The following PATJ variants were observed in gnomAD, a reference collection of about 807,000 sequenced individuals.
The protein encoded by PATJ is inaD-like protein.
In PATJ, 190 loss-of-function variants were observed where a neutral mutation model predicts 224.9. That is an observed-to-expected ratio of 0.84 (90% confidence interval 0.75 to 0.95). The LOEUF is 0.95. Ranked by LOEUF, PATJ falls within the 40% of genes least tolerant of loss-of-function variation. The probability of loss-of-function intolerance (pLI) is 0.00; values close to 1 mark genes in which losing one functional copy is unlikely to be tolerated. For synonymous variants in PATJ, 769 were observed against 820.3 expected (o/e 0.94, Z 1.07); for missense variants, 2,121 against 2,270.3 (o/e 0.93, Z 1.34).
chr1:62,113,082 A>G (rs1053049209), intron 34 of PATJ, among the ~76,000 whole-genome samples: 6 of 152,222 alleles, frequency 3.9e-5, no homozygotes, highest in African/African-American at 1.4e-4. Flanking sequence ...AGCACTGCAG[A>G]AGTATTTAAG....
rs372732519 is a variant in PATJ, at chr1:61,823,071, C to G, written c.1810C>G (p.Leu604Val). The change falls in exon 15 of 44, where the codon CTG becomes GTG. Residue 604 changes from leucine (L) to valine (V), a missense_variant. By Grantham distance (32) the Leu-to-Val change is conservative. Coordinates refer to ENST00000642238, the MANE Select transcript of PATJ (RefSeq NM_001350145.3). ...TLGLLQPEDE[L>V]LEVNGMQLYG... Reference sequence around the variant, plus strand: ...GGGTCTCCTACAGCCAGAAGATGAGCTGCTTGAGGTAAAATTTATGGGGAA... The same window carrying G: ...GGGTCTCCTACAGCCAGAAGATGAGGTGCTTGAGGTAAAATTTATGGGGAA... 6.2e-7 allele frequency: 1 copy of G among 1,613,808 alleles called. No individual in the cohort carries two copies. The highest frequency in any genetic ancestry group is 1.3e-5 in the African/African-American group (1 of 74,894).
chr1:61,791,270 C>A, intron 8 of PATJ, 78 bp from the exon 9 acceptor site: 1 of 792,760 alleles, frequency 1.3e-6, no homozygotes, highest in Admixed American at 2.4e-5. Context: ...AAATACTTGA[C>A]AAACCTTGCA....
chr1:61,924,145 A>C (rs1674766889), intron 26 of PATJ, among the ~76,000 whole-genome samples: 1 of 152,046 alleles, frequency 6.6e-6, no homozygotes, highest in Non-Finnish European at 1.5e-5. Context: ...CCGAGGCAGG[A>C]AGATCATTTG....
chr1:61,875,371 G>C lies in PATJ; in HGVS notation c.2959+5G>C. ...CAAAAACTAGTCTGGATTTAGGTTT[G>C]TGACTTTTGTTTCTCATAAACACAA... On this transcript the variant is annotated splice_donor_5th_base_variant and intron_variant, in intron 21 of 43. Transcript: ENST00000642238. The C allele has an allele frequency of 6.3e-7, 1 of 1,594,952 alleles. No homozygotes were observed. The highest frequency in any genetic ancestry group is 1.4e-5 in the African/African-American group (1 of 73,880).
In PATJ at chr1:61,797,388, A is replaced by T; in HGVS notation, c.1362A>T (p.Thr454=). The change falls in exon 11 of 44, where the codon ACA becomes ACT. Residue 454 remains threonine (T), a synonymous_variant. Coordinates refer to ENST00000642238, the MANE Select transcript of PATJ (RefSeq NM_001350145.3). The part of the protein sequence containing the change: ...VVHLTLVRRK[T]SSSTSPLEPP... ...ACCTAACCCTAGTTCGAAGGAAGAC[A>T]TCCTCATCTACTTCTCCACTTGAAC... 6.2e-7 allele frequency: 1 copy of T among 1,613,978 alleles called. No individual in the cohort carries two copies. The highest frequency in any genetic ancestry group is 8.5e-7 in the Non-Finnish European group (1 of 1,179,850).
At chr1:61,972,905 G>A (rs1221129497) in intron 27 of PATJ, among the ~76,000 whole-genome samples, 1 of 151,882 alleles carries the variant, frequency 6.6e-6, no homozygotes, top group African/African-American at 2.4e-5. Context: ...TCTAAAGCTT[G>A]TATACTTTTT....
chr1:61,804,920 C>T (rs559264392), intron 12 of PATJ, among the ~76,000 whole-genome samples: 1 of 152,274 alleles, frequency 6.6e-6, no homozygotes, highest in Admixed American at 6.5e-5. Context: ...CTGAATTAAA[C>T]CAGACAAGCC....
At chr1:62,010,197 A>G (rs1646359184) in intron 28 of PATJ, among the ~76,000 whole-genome samples, 1 of 151,928 alleles carries the variant, frequency 6.6e-6, no homozygotes, top group African/African-American at 2.4e-5. Flanking sequence ...TCCCATCTTC[A>G]GGCTCCACTT....
intron 27 of PATJ, among the ~76,000 whole-genome samples, chr1:61,986,531 C>T (rs772007276): frequency 5.9e-5 from 9 of 151,998 alleles, no homozygotes; most frequent in African/African-American, 1.7e-4. Context: ...ATGATCCTCC[C>T]GCCTCAACCT....
At chr1:61,934,188 G>C (rs529998039) in intron 27 of PATJ, among the ~76,000 whole-genome samples, 2 of 152,120 alleles carry the variant, frequency 1.3e-5, no homozygotes, top group Non-Finnish European at 2.9e-5. Flanking sequence ...GCACGATCTC[G>C]GCTCACCGCA....
chr1:61,949,926 A>G (rs1010691483), intron 27 of PATJ, among the ~76,000 whole-genome samples: 1 of 142,212 alleles, frequency 7.0e-6, no homozygotes, highest in East Asian at 2.2e-4. Context: ...GGGACCAGGC[A>G]CGGTGGCTCA....
At chr1:62,128,763 C>A in intron 40 of PATJ, 78 bp from the exon 41 acceptor site, 1 of 1,005,370 alleles carries the variant, frequency 9.9e-7, no homozygotes, top group Non-Finnish European at 1.6e-6. Context: ...AAATAGGACT[C>A]GCAAAGAATT....
At position 62,160,925 on chromosome 1, in the gene PATJ, C is replaced by T. The variant is rs112410406; in HGVS notation, c.5520C>T (p.Asp1840=). The change falls in exon 44 of 44, where the codon GAC becomes GAT. Residue 1840 remains aspartate (D), a synonymous_variant. Transcript: ENST00000642238. ...GTTTGTAGGGAGCAGCTGCAGATGA[C>T]GGCCGATTAAAACGAGGGGATCAGA... The part of the protein sequence containing the change: ...TVFAKGAAAD[D]GRLKRGDQIL... 2.2e-5 allele frequency: 35 copies of T among 1,613,880 alleles called. 1 individual carries two copies. Among genetic ancestry groups the T allele is most frequent in the South Asian group, 1.2e-4 (11 of 91,048 alleles).
chr1:61,916,039 G>A (rs912172791), intron 26 of PATJ, among the ~76,000 whole-genome samples: 4 of 151,722 alleles, frequency 2.6e-5, no homozygotes, highest in African/African-American at 9.7e-5. Context: ...TTTATTCCTA[G>A]GTATTTTATT....
intron 28 of PATJ, among the ~76,000 whole-genome samples, chr1:61,995,366 T>G (rs1476734551): frequency 6.6e-6 from 1 of 152,244 alleles, no homozygotes; most frequent in Non-Finnish European, 1.5e-5. Context: ...ATGATATGGC[T>G]TTGCTCACAG....
chr1:61,920,511 T>C (rs2482861), intron 26 of PATJ, among the ~76,000 whole-genome samples: 131,911 of 151,968 alleles, frequency 0.87, 57,328 homozygotes, highest in Admixed American at 0.9. Flanking sequence ...TCCATTAAAC[T>C]TCTTTTTCTT....
chr1:62,004,431 A>G (rs184569586), intron 28 of PATJ, among the ~76,000 whole-genome samples: 108 of 152,334 alleles, frequency 7.1e-4, no homozygotes, highest in African/African-American at 2.3e-3. Flanking sequence ...TGTGAGCCCT[A>G]TAAATTGGAA....
rs572921317 is a variant in PATJ at position 61,869,260 on chromosome 1, C to A, written c.2835+4627C>A. Among the ~76,000 whole-genome samples the A allele has an allele frequency of 5.9e-4, 89 of 150,870 alleles. 2 individuals carry two copies. The highest frequency in any genetic ancestry group is 4.3e-4 in the South Asian group (2 of 4,682). On this transcript the variant is annotated intron_variant, in intron 20 of 43. Coordinates refer to ENST00000642238, the MANE Select transcript of PATJ (RefSeq NM_001350145.3). ...TAGCTGGGACTACAGGCGCCCGCCACTACGCCCGGCTAATTTTTTGTATTT... is the reference window on the plus strand; with the variant it reads ...TAGCTGGGACTACAGGCGCCCGCCAATACGCCCGGCTAATTTTTTGTATTT...
intron 28 of PATJ, among the ~76,000 whole-genome samples, chr1:62,011,332 T>C (rs1350557867): frequency 1.3e-5 from 2 of 152,212 alleles, no homozygotes; most frequent in East Asian, 1.9e-4. Context: ...GACTCTTCCT[T>C]TTACTTGAAC....
Sources: gnomAD v4.1 joint callset for allele counts (sites outside exome capture counted in the v4.1 genomes callset) on GRCh38, gnomAD v4.1.1 for gene constraint, MANE v1.5 for transcripts, NCBI Gene and HGNC (gene_info 2026-07-23, HGNC 2026-07-21) for gene names.